SPATA7: variants seen among roughly 807,000 people sequenced by gnomAD.
SPATA7 encodes the protein spermatogenesis associated 7, also known as spermatogenesis-associated protein 7.
A neutral mutation model predicts 51.8 loss-of-function variants in SPATA7; 43 were observed. The ratio of observed to expected loss-of-function variants is 0.83; its 90% CI spans 0.65 to 1.07. The LOEUF is 1.07. Among genes scored for constraint, SPATA7 ranks in the 50% least tolerant of loss-of-function variants. The pLI is 0.00. For synonymous variants in SPATA7, 230 were observed against 252.8 expected, an observed-to-expected ratio of 0.91 and a Z score of 0.86; for missense variants, 683 against 701.3, an observed-to-expected ratio of 0.97 and a Z score of 0.30.
Position 88,404,013 on chromosome 14 carries a change from T to C in SPATA7, c.238+7810T>C, listed in dbSNP as rs183193293. Among the ~76,000 whole-genome samples, 180 of 152,120 alleles carry C rather than the reference T, an allele frequency of 1.2e-3. 3 individuals are homozygous for C. The East Asian group carries it at 0.027, about 22-fold the overall frequency. ...TATCAAATTAAATGCCTGAAACATA[T>C]ACAGTTTGTCTGCTATACCTTAACA... On this transcript the variant is annotated intron_variant, in intron 4 of 11. Transcript: ENST00000393545.
intron 10 of SPATA7, among the ~76,000 whole-genome samples, chr14:88,436,784 T>G (rs2140026371): frequency 6.6e-6 from 1 of 152,250 alleles, no homozygotes; most frequent in Non-Finnish European, 1.5e-5. Context: ...TCCATTGGTC[T>G]GTGTCTGTTT....
intron 4 of SPATA7, chr14:88,467,190 A>C (rs1402487325): frequency 6.7e-6 from 1 of 149,536 alleles, no homozygotes; most frequent in Non-Finnish European, 1.5e-5. Context: ...CTTAGTCCTT[A>C]ATCTCTCCCA....
intron 5 of SPATA7, among the ~76,000 whole-genome samples, chr14:88,424,123 G>C (rs1259139364): frequency 6.6e-6 from 1 of 152,132 alleles, no homozygotes; most frequent in Non-Finnish European, 1.5e-5. Flanking sequence ...TGCTCCATTG[G>C]CACATAATTG....
intron 10 of SPATA7, among the ~76,000 whole-genome samples, chr14:88,433,943 A>C: frequency 6.6e-6 from 1 of 152,310 alleles, no homozygotes; most frequent in East Asian, 1.9e-4. Flanking sequence ...GATTTTTGGC[A>C]TTAATTCTGT....
At position 88,391,286 on chromosome 14, in the gene SPATA7, A is replaced by C. The variant is rs1013618973; in HGVS notation, c.20-95A>C. 5 of 1,063,598 alleles carry C rather than the reference A, an allele frequency of 4.7e-6. No homozygotes were observed. The African/African-American group carries it at 8.0e-5, about 17-fold the overall frequency. 65.9% of individuals were successfully genotyped at this position (1,063,598 alleles called of 1,614,324 possible). A position where few individuals can be genotyped will look rare whatever the true frequency, so the allele number is the denominator to read the frequency against. ...CTTTTAGGAAAGAAATTATTTTGTG[A>C]TAAATTTATTATTTAAAAAATATTG... On this transcript the variant is annotated intron_variant, in intron 1 of 11. Coordinates refer to ENST00000393545, the MANE Select transcript of SPATA7 (RefSeq NM_018418.5).
In SPATA7 at chr14:88,455,207, C is replaced by G. The variant is rs1043854542; in HGVS notation, c.*94C>G. The stretch of plus-strand genomic sequence containing the variant: ...GTGAAATTGATAGCAAATCTTTATT[C>G]AAGTGTATTAATTGACCCACAAATA... On this transcript the variant is annotated 3_prime_UTR_variant, in exon 4 of 4. Transcript: ENST00000554802. 9.4e-6 allele frequency: 4 copies of G among 423,360 alleles called. No individual in the cohort carries two copies. The Admixed American group carries it at 1.1e-4, about 12-fold the overall frequency. The allele number at this position is 423,360 out of a possible 1,614,324, so 26.2% of individuals were successfully genotyped here.
At chr14:88,407,961 G>T (rs1426871393) in intron 4 of SPATA7, among the ~76,000 whole-genome samples, 1 of 152,038 alleles carries the variant, frequency 6.6e-6, no homozygotes, top group Non-Finnish European at 1.5e-5. Flanking sequence ...TATTCCATTG[G>T]TCTATATATG....
At chr14:88,411,569 G>C (rs943370387) in intron 4 of SPATA7, among the ~76,000 whole-genome samples, 3 of 151,050 alleles carry the variant, frequency 2.0e-5, no homozygotes, top group Admixed American at 6.6e-5. Flanking sequence ...ATCTGGGCCA[G>C]AGTGCACACC....
In SPATA7 at chr14:88,416,587, T is replaced by C; in HGVS notation, c.239-124T>C. On this transcript the variant is annotated intron_variant, in intron 4 of 11. Coordinates refer to ENST00000393545, the MANE Select transcript of SPATA7 (RefSeq NM_018418.5). ...GTAACTCTTTATATAGGAAAATAAATGGATTTTTATTTACATATCATAACA... is the reference window on the plus strand; with the variant it reads ...GTAACTCTTTATATAGGAAAATAAACGGATTTTTATTTACATATCATAACA... 3 of 928,880 alleles carry C rather than the reference T, an allele frequency of 3.2e-6. No homozygotes were observed. The South Asian group carries it at 4.8e-5, about 15-fold the overall frequency. The allele number at this position is 928,880 out of a possible 1,614,324, so 57.5% of individuals were successfully genotyped here. A position where few individuals can be genotyped will look rare whatever the true frequency, so the allele number is the denominator to read the frequency against.
Position 88,426,630 on chromosome 14 carries a change from C to G in SPATA7, c.771C>G (p.Arg257=). ...CAAAATCTTTCCTGTCACAGTATCG[C>G]TATTATACACCTGCCAAAAGAAAAA... The part of the protein sequence containing the change: ...TEAKSFLSQY[R]YYTPAKRKKD... Residue 257 remains arginine (R), a synonymous_variant, in exon 6 of 12, where the codon CGC becomes CGG. Coordinates refer to ENST00000393545, the MANE Select transcript of SPATA7 (RefSeq NM_018418.5). 1 of 1,613,966 alleles carries G rather than the reference C, an allele frequency of 6.2e-7. No homozygotes were observed. The highest frequency in any genetic ancestry group is 8.5e-7 in the Non-Finnish European group (1 of 1,180,022).
In SPATA7 at chr14:88,412,094, A is replaced by AT. The variant is rs1760172172; in HGVS notation, c.239-4614dup. On this transcript the variant is annotated intron_variant, in intron 4 of 11. Transcript: ENST00000393545. Reference sequence around the variant, plus strand: ...TGAAATAGTATCTCATTGTGATTTTATTTGCATTTCTCTGATGATTAGTGA... The same window carrying AT: ...TGAAATAGTATCTCATTGTGATTTTATTTTGCATTTCTCTGATGATTAGTGA... 2.0e-5 allele frequency among the ~76,000 whole-genome samples: 3 copies of AT among 151,628 alleles called. No individual in the cohort carries two copies. In the South Asian group the frequency reaches 6.3e-4, roughly 32 times the overall value.
intron 7 of SPATA7, chr14:88,428,731 A>G (rs888465508): frequency 1.2e-4 from 18 of 152,334 alleles, no homozygotes; most frequent in African/African-American, 4.1e-4. Context: ...TTCCATAGAT[A>G]GTGCCATCAG....
intron 4 of SPATA7, among the ~76,000 whole-genome samples, chr14:88,401,673 T>TA (rs981108387): frequency 6.6e-5 from 10 of 150,802 alleles, no homozygotes; most frequent in Non-Finnish European, 1.0e-4. Context: ...CTCTACAAAA[T>TA]AAAAAAACTA....
chr14:88,416,606 C>T (rs972509901), intron 4 of SPATA7, 105 bp from the exon 5 acceptor site: 2 of 1,084,270 alleles, frequency 1.8e-6, no homozygotes, highest in Non-Finnish European at 2.8e-6. Context: ...ATTTACATAT[C>T]ATAACATTTT....
chr14:88,429,577 G>GCAT, intron 8 of SPATA7, 114 bp downstream of exon 8: 1 of 629,652 alleles, frequency 1.6e-6, no homozygotes, highest in South Asian at 2.4e-5. Flanking sequence ...AATCTATTTT[G>GCAT]GTGTTATGTA....
chr14:88,455,268 C>A, exon 4 of SPATA7: 1 of 350,278 alleles, frequency 2.9e-6, no homozygotes, highest in Non-Finnish European at 5.7e-6. Context: ...TGGCAAGATG[C>A]ATTCTAACTC....
intron 7 of SPATA7, chr14:88,428,361 A>G (rs1002281537): frequency 6.6e-6 from 1 of 152,148 alleles, no homozygotes; most frequent in Non-Finnish European, 1.5e-5. Flanking sequence ...ATCCAGAGAT[A>G]GAAGAATAAA....
At chr14:88,468,843 T>C in intron 4 of SPATA7, 1 of 1,588,218 alleles carries the variant, frequency 6.3e-7, no homozygotes, top group Non-Finnish European at 8.6e-7. Context: ...AAAGAGCTAT[T>C]AAGTCACTAT....
intron 4 of SPATA7, among the ~76,000 whole-genome samples, chr14:88,400,961 A>G (rs1231922529): frequency 6.6e-6 from 1 of 152,240 alleles, no homozygotes; most frequent in Non-Finnish European, 1.5e-5. Context: ...AAACTTTTAT[A>G]AAAATAGAAG....
Sources: allele counts gnomAD v4.1 joint callset (sites outside exome capture counted in the v4.1 genomes callset), GRCh38; gene constraint gnomAD v4.1.1; transcripts MANE v1.5; gene names NCBI Gene and HGNC (gene_info 2026-07-23, HGNC 2026-07-21).